SLC35F4: variants seen among roughly 807,000 people sequenced by gnomAD.
The protein encoded by SLC35F4 is solute carrier family 35 member F4.
SLC35F4 carries 24 observed loss-of-function variants against 44.2 expected under a neutral mutation model. That is an observed-to-expected ratio of 0.54 (90% CI 0.39 to 0.76). The LOEUF (loss-of-function observed/expected upper bound fraction) is 0.76, where lower values mean the gene tolerates loss of function less well. SLC35F4 is among the 30% of genes least tolerant of loss of function. The pLI, the probability that SLC35F4 is intolerant of heterozygous loss-of-function variation, is 0.00. For missense variants in SLC35F4, 562 were observed against 586.1 expected, an observed-to-expected ratio of 0.96 and a Z score of 0.42; for synonymous variants, 238 against 223.6, an observed-to-expected ratio of 1.06 and a Z score of -0.57.
chr14:57,579,271 T>C (rs1045806464), intron 4 of SLC35F4, among the ~76,000 whole-genome samples: 6 of 152,248 alleles, frequency 3.9e-5, no homozygotes, highest in African/African-American at 1.4e-4. Flanking sequence ...CAGATCTTTT[T>C]TGGAGTCACC....
rs114636645 is a variant in SLC35F4, at chr14:57,632,687, C to G, written c.104-38563G>C. Among the ~76,000 whole-genome samples the G allele has an allele frequency of 4.7e-3, 712 of 152,146 alleles. 7 individuals carry two copies. The highest frequency in any genetic ancestry group is 0.016 in the African/African-American group (659 of 41,526). ...TCCATAGTTTACATTAGGGTTCACT[C>G]TTGGTGTCATACCTTCTATGGGTTT... is the stretch of plus-strand genomic sequence containing the variant. On this transcript the variant is annotated intron_variant, in intron 1 of 7. Transcript: ENST00000556826.
At chr14:57,876,909 T>C (rs955345770) in intron 1 of SLC35F4, among the ~76,000 whole-genome samples, 1 of 152,154 alleles carries the variant, frequency 6.6e-6, no homozygotes, top group Non-Finnish European at 1.5e-5. Context: ...AACTGGTAAA[T>C]AGCAGCAAAT....
intron 1 of SLC35F4, among the ~76,000 whole-genome samples, chr14:57,845,843 G>A (rs144263236): frequency 1.8e-3 from 274 of 152,236 alleles, no homozygotes; most frequent in African/African-American, 6.4e-3. Context: ...AGGTACCTAA[G>A]TCCAAAGTCA....
intron 1 of SLC35F4, among the ~76,000 whole-genome samples, chr14:57,696,091 A>G (rs1416998202): frequency 2.0e-5 from 3 of 152,162 alleles, no homozygotes; most frequent in Non-Finnish European, 4.4e-5. Context: ...AATGGGATCT[A>G]ATTAAACTAA....
At chr14:57,878,362 A>T (rs1391214337) in intron 1 of SLC35F4, among the ~76,000 whole-genome samples, 2 of 152,140 alleles carry the variant, frequency 1.3e-5, no homozygotes, top group Non-Finnish European at 2.9e-5. Context: ...TTCCTCAATA[A>T]CAAACTTCTG....
At chr14:57,828,839 C>T (rs1690312678) in intron 1 of SLC35F4, among the ~76,000 whole-genome samples, 1 of 152,190 alleles carries the variant, frequency 6.6e-6, no homozygotes, top group Non-Finnish European at 1.5e-5. Flanking sequence ...CAGAGCTCCA[C>T]AAGGGTATTT....
intron 1 of SLC35F4, among the ~76,000 whole-genome samples, chr14:57,798,291 T>C (rs2078104680): frequency 6.6e-6 from 1 of 152,186 alleles, no homozygotes; most frequent in Middle Eastern, 3.4e-3. Context: ...TAGGTAGGTA[T>C]CACAGAACCT....
chr14:57,623,122 A>G (rs2072281470), intron 1 of SLC35F4, among the ~76,000 whole-genome samples: 1 of 152,126 alleles, frequency 6.6e-6, no homozygotes, highest in Non-Finnish European at 1.5e-5. Flanking sequence ...AGAATATTTA[A>G]CAAGCAAATG....
In SLC35F4 at chr14:57,865,714, G is replaced by A. The variant is rs1226876411; in HGVS notation, c.103+9C>T. 2.0e-6 allele frequency: 3 copies of A among 1,515,832 alleles called. No individual in the cohort carries two copies. The highest frequency in any genetic ancestry group is 2.8e-5 in the African/African-American group (2 of 70,684). The allele number at this position is 1,515,832 out of a possible 1,614,324, so 93.9% of individuals were successfully genotyped here. On this transcript the variant is annotated intron_variant, in intron 1 of 7. Transcript: ENST00000556826. Reference sequence around the variant, plus strand: ...CCGCCTCGCGCAGGGCAGCCGCGCGGCGTCTTACTTTTCTGGCTGGAGTAA... The same window carrying A: ...CCGCCTCGCGCAGGGCAGCCGCGCGACGTCTTACTTTTCTGGCTGGAGTAA...
chr14:57,860,274 T>C (rs372757483), intron 1 of SLC35F4, among the ~76,000 whole-genome samples: 10 of 152,110 alleles, frequency 6.6e-5, no homozygotes, highest in African/African-American at 2.2e-4. Flanking sequence ...ACAACCATCA[T>C]AGAACCTGAT....
intron 1 of SLC35F4, among the ~76,000 whole-genome samples, chr14:57,904,408 T>C (rs1889069375): frequency 6.6e-6 from 1 of 152,260 alleles, no homozygotes. Context: ...CTTGAGTTGA[T>C]GTAATGGTCA....
intron 1 of SLC35F4, among the ~76,000 whole-genome samples, chr14:57,934,979 C>T (rs1889770778): frequency 6.6e-6 from 1 of 152,110 alleles, no homozygotes; most frequent in Non-Finnish European, 1.5e-5. Flanking sequence ...GAATTACCAA[C>T]CCCAAACTTC....
chr14:57,957,107 G>A (rs182310487), intron 1 of SLC35F4, among the ~76,000 whole-genome samples: 77 of 152,244 alleles, frequency 5.1e-4, no homozygotes, highest in East Asian at 1.7e-3. Flanking sequence ...ATACTATGCC[G>A]CCATAAAAAG....
At chr14:57,796,818 A>G (rs2078064716) in intron 1 of SLC35F4, among the ~76,000 whole-genome samples, 1 of 152,162 alleles carries the variant, frequency 6.6e-6, no homozygotes, top group Non-Finnish European at 1.5e-5. Context: ...ACACAAACAC[A>G]CATACACACA....
intron 1 of SLC35F4, among the ~76,000 whole-genome samples, chr14:57,884,423 G>C (rs1888604477): frequency 6.6e-6 from 1 of 152,118 alleles, no homozygotes. Flanking sequence ...GGTGTAATTT[G>C]GTTAAAATAT....
chr14:57,823,505 C>T (rs1718949310), intron 1 of SLC35F4, among the ~76,000 whole-genome samples: 1 of 152,176 alleles, frequency 6.6e-6, no homozygotes, highest in Admixed American at 6.5e-5. Flanking sequence ...ATTTGAATCA[C>T]GCAAAGCCCC....
At chr14:57,798,384 G>A (rs1465247128) in intron 1 of SLC35F4, among the ~76,000 whole-genome samples, 1 of 152,036 alleles carries the variant, frequency 6.6e-6, no homozygotes, top group African/African-American at 2.4e-5. Flanking sequence ...AACGACAGCA[G>A]GATCCTCTGT....
At chr14:57,643,458 G>A (rs1018419240) in intron 1 of SLC35F4, among the ~76,000 whole-genome samples, 32 of 152,032 alleles carry the variant, frequency 2.1e-4, no homozygotes, top group Non-Finnish European at 3.7e-4. Flanking sequence ...CTATCTGTCA[G>A]TAGCTTCAGT....
chr14:57,669,748 G>A lies in SLC35F4; in HGVS notation c.104-75624C>T, dbSNP rs1261398384. The stretch of plus-strand genomic sequence containing the variant: ...TTCGGTTTGTCAGTATTTTATTGAG[G>A]ATTTTTGCATCAATGTTCACCAGGG... On this transcript the variant is annotated intron_variant, in intron 1 of 7. Coordinates refer to ENST00000556826, the MANE Select transcript of SLC35F4 (RefSeq NM_001306087.2). Among the ~76,000 whole-genome samples, 3 of 151,980 alleles carry A rather than the reference G, an allele frequency of 2.0e-5. 1 individual carries two copies. The highest frequency in any genetic ancestry group is 7.3e-5 in the African/African-American group (3 of 41,302).
Sources: gnomAD v4.1 joint callset for allele counts (sites outside exome capture counted in the v4.1 genomes callset) on GRCh38, gnomAD v4.1.1 for gene constraint, MANE v1.5 for transcripts, NCBI Gene and HGNC (gene_info 2026-07-23, HGNC 2026-07-21) for gene names.